SAMD12: variants seen among roughly 807,000 people sequenced by gnomAD.
SAMD12 encodes sterile alpha motif domain containing 12.
A neutral mutation model predicts 15.0 loss-of-function variants in SAMD12; 9 were observed. The observed-to-expected ratio is 0.60, with a 90% confidence interval of 0.36 to 1.05. SAMD12 has a LOEUF of 1.05. SAMD12 is among the 50% of genes least tolerant of loss of function. The pLI, the probability that SAMD12 is intolerant of heterozygous loss-of-function variation, is 0.01. For missense variants in SAMD12, 230 were observed against 234.2 expected (o/e 0.98, Z 0.12); for synonymous variants, 86 against 90.1 (o/e 0.96, Z 0.25).
chr8:118,514,252 G>T (rs1168884936), intron 2 of SAMD12, among the ~76,000 whole-genome samples: 2 of 152,158 alleles, frequency 1.3e-5, no homozygotes, highest in Non-Finnish European at 1.5e-5. Flanking sequence ...TAGAAATTTT[G>T]AACATTTATA....
intron 1 of SAMD12, among the ~76,000 whole-genome samples, chr8:118,606,803 A>G (rs1463729152): frequency 1.3e-5 from 2 of 152,206 alleles, no homozygotes. Context: ...GGCAGGAGAT[A>G]GGAGAAGGAA....
At chr8:118,397,355 G>T (rs549570997) in intron 3 of SAMD12, among the ~76,000 whole-genome samples, 6 of 152,156 alleles carry the variant, frequency 3.9e-5, no homozygotes, top group Non-Finnish European at 5.9e-5. Flanking sequence ...AAAAAAATCT[G>T]GGAGAATGAG....
At position 118,479,463 on chromosome 8, in the gene SAMD12, A is replaced by C. The variant is rs137901841; in HGVS notation, c.193-39502T>G. ...GAAGTGAAAGCGGAAACCCCTTATA[A>C]AACTATCAGGTCTTGTGAGATTTAT... is the stretch of plus-strand genomic sequence containing the variant. On this transcript the variant is annotated intron_variant, in intron 2 of 3. Transcript: ENST00000314727. 5.8e-3 allele frequency among the ~76,000 whole-genome samples: 887 copies of C among 152,268 alleles called. 5 individuals carry two copies. Among genetic ancestry groups the C allele is most frequent in the African/African-American group, 0.02 (842 of 41,530 alleles).
chr8:118,526,751 A>C (rs544427219), intron 2 of SAMD12, among the ~76,000 whole-genome samples: 1 of 152,296 alleles, frequency 6.6e-6, no homozygotes, highest in African/African-American at 2.4e-5. Flanking sequence ...TGTTCACTCA[A>C]GGTCAAAGGC....
chr8:118,268,100 AAAAG>A (rs1049849150), intron 4 of SAMD12, among the ~76,000 whole-genome samples: 1 of 152,088 alleles, frequency 6.6e-6, no homozygotes, highest in African/African-American at 2.4e-5. Flanking sequence ...TCAAACAAAA[AAAAG>A]AAAGAAAGAA....
At chr8:118,454,588 T>C (rs781728846) in intron 2 of SAMD12, among the ~76,000 whole-genome samples, 26 of 152,216 alleles carry the variant, frequency 1.7e-4, no homozygotes, top group Admixed American at 3.9e-4. Flanking sequence ...ATCTTTCAAA[T>C]TGAGTATCTA....
intron 3 of SAMD12, among the ~76,000 whole-genome samples, chr8:118,398,505 T>G (rs367765296): frequency 8.5e-5 from 13 of 152,204 alleles, no homozygotes; most frequent in African/African-American, 2.9e-4. Context: ...ATCTAAAGCT[T>G]ATCTTCTCCA....
intron 4 of SAMD12, among the ~76,000 whole-genome samples, chr8:118,270,300 C>T (rs1322544506): frequency 6.6e-6 from 1 of 152,126 alleles, no homozygotes; most frequent in Non-Finnish European, 1.5e-5. Flanking sequence ...TATATAATCA[C>T]CTAGAATCAG....
chr8:118,546,775 G>A (rs991502208), intron 2 of SAMD12, among the ~76,000 whole-genome samples: 4 of 152,110 alleles, frequency 2.6e-5, no homozygotes, highest in Admixed American at 2.6e-4. Flanking sequence ...TCTGCAATAT[G>A]GGGTGGGACA....
intron 2 of SAMD12, among the ~76,000 whole-genome samples, chr8:118,553,520 C>G (rs1354191513): frequency 1.3e-5 from 2 of 152,022 alleles, no homozygotes; most frequent in Admixed American, 6.6e-5. Context: ...ACACCTTATA[C>G]AAAAATCAAT....
chr8:118,211,675 C>T (rs1215041070), intron 4 of SAMD12, among the ~76,000 whole-genome samples: 1 of 152,006 alleles, frequency 6.6e-6, no homozygotes, highest in African/African-American at 2.4e-5. Flanking sequence ...TAAAACTCTA[C>T]AAGTAAGCTT....
At chr8:118,533,050 T>C (rs1414760917) in intron 2 of SAMD12, among the ~76,000 whole-genome samples, 3 of 152,220 alleles carry the variant, frequency 2.0e-5, no homozygotes, top group Non-Finnish European at 4.4e-5. Flanking sequence ...ATTTTAGATC[T>C]TTCCTGCTTT....
Position 118,379,704 on chromosome 8 carries a change from C to T in SAMD12, c.323-4G>A. On this transcript the variant is annotated splice_polypyrimidine_tract_variant and splice_region_variant and intron_variant, in intron 3 of 3. Transcript: ENST00000314727. ...GTAAGTCTCAGCAGGGCTCGCCCTG[C>T]AGGGTTTTAAGAAATAAAAGGAAAA... 3 of 1,611,626 alleles carry T rather than the reference C, an allele frequency of 1.9e-6. No individual in the cohort carries two copies. Among genetic ancestry groups the T allele is most frequent in the Non-Finnish European group, 2.5e-6 (3 of 1,178,596 alleles).
rs11986210 is a variant in SAMD12 at position 118,269,220 on chromosome 8, C to G, written c.434-71488G>C. On this transcript the variant is annotated intron_variant, in intron 4 of 4. Coordinates refer to the SAMD12 transcript ENST00000409003. ...TCTCTCTCTCTCTCTCTCTCTCTCT[C>G]TGTGTGTGTGTGTGTGTGTGTGTGT... 1.4e-3 allele frequency among the ~76,000 whole-genome samples: 169 copies of G among 123,036 alleles called. 1 individual carries two copies. Among genetic ancestry groups the G allele is most frequent in the Middle Eastern group, 4.0e-3 (1 of 250 alleles). 80.7% of individuals were successfully genotyped at this position (123,036 alleles called of 152,430 possible).
At chr8:118,148,987 T>A in the SAMD12 span, among the ~76,000 whole-genome samples, 1 of 152,272 alleles carries the variant, frequency 6.6e-6, no homozygotes, top group Non-Finnish European at 1.5e-5. Context: ...AAGACTGCTA[T>A]AAACATTGCA....
At chr8:118,300,517 G>A (rs1814964472) in intron 4 of SAMD12, among the ~76,000 whole-genome samples, 1 of 152,170 alleles carries the variant, frequency 6.6e-6, no homozygotes, top group African/African-American at 2.4e-5. Context: ...GTAAAGGCTG[G>A]GAAATGCAGT....
At chr8:118,229,255 A>G (rs1436409472) in intron 4 of SAMD12, among the ~76,000 whole-genome samples, 2 of 152,114 alleles carry the variant, frequency 1.3e-5, no homozygotes, top group Non-Finnish European at 2.9e-5. Flanking sequence ...GTAACCAAAT[A>G]CCACCTGTAC....
chr8:118,229,499 C>T (rs1812261079), intron 4 of SAMD12, among the ~76,000 whole-genome samples: 1 of 152,100 alleles, frequency 6.6e-6, no homozygotes, highest in African/African-American at 2.4e-5. Flanking sequence ...CTTTGTTTTA[C>T]GTTTAGCCTT....
chr8:118,589,005 AT>A, intron 1 of SAMD12, among the ~76,000 whole-genome samples: 1 of 152,346 alleles, frequency 6.6e-6, no homozygotes, highest in Middle Eastern at 3.4e-3. Flanking sequence ...CAGGGGTAAA[AT>A]ATAAATGTCC....
Sources: gnomAD v4.1 joint callset for allele counts (sites outside exome capture counted in the v4.1 genomes callset) on GRCh38, gnomAD v4.1.1 for gene constraint, MANE v1.5 for transcripts, NCBI Gene and HGNC (gene_info 2026-07-23, HGNC 2026-07-21) for gene names.